Variants in RDH5 observed in about 807,000 individuals in gnomAD.
The protein encoded by RDH5 is retinol dehydrogenase 5.
Under a neutral mutation model 24.0 loss-of-function variants are expected in RDH5, and 25 were observed. That is an observed-to-expected ratio of 1.04 (90% CI 0.76 to 1.46). The LOEUF (loss-of-function observed/expected upper bound fraction) is 1.46, where lower values mean the gene tolerates loss of function less well. RDH5 is among the 40% of genes most tolerant of loss of function. The pLI is 0.00. For missense variants in RDH5, 369 were observed against 410.3 expected (o/e 0.90, Z 0.87); for synonymous variants, 170 against 175.2 (o/e 0.97, Z 0.23).
chr12:55,722,060 T>C, intron 3 of RDH5, 113 bp downstream of exon 3: 2 of 1,132,872 alleles, frequency 1.8e-6, no homozygotes, highest in Non-Finnish European at 2.5e-6. Flanking sequence ...AGAGACAGTT[T>C]AGGGCTAGAC....
chr12:55,722,730 G>C (rs1876987956), intron 3 of RDH5: 1 of 151,626 alleles, frequency 6.6e-6, no homozygotes, highest in Non-Finnish European at 1.5e-5. Context: ...TAGAGATGGA[G>C]TTATACCATG....
chr12:55,722,671 G>C (rs1164813900), intron 3 of RDH5: 1 of 152,068 alleles, frequency 6.6e-6, no homozygotes, highest in African/African-American at 2.4e-5. Context: ...GATTAGCTGG[G>C]CTTACAGGCA....
Position 55,723,977 on chromosome 12 carries a change from A to C in RDH5, c.661A>C (p.Thr221Pro), listed in dbSNP as rs1259253511. The change falls in exon 4 of 5, where the codon ACC (threonine) becomes CCC (proline). Residue 221 changes from threonine to proline, a missense_variant. By Grantham distance (38) the Thr-to-Pro change is conservative. Coordinates refer to ENST00000257895, the MANE Select transcript of RDH5 (RefSeq NM_002905.5). ...PVTNLESLEKTLQACWARLPP... is the reference protein window; with the variant it reads ...PVTNLESLEKPLQACWARLPP... ...GACCAACCTGGAGAGTCTGGAGAAA[A>C]CCCTGCAGGCCTGCTGGGCACGGCT... 1.2e-6 allele frequency: 2 copies of C among 1,613,828 alleles called. No individual in the cohort carries two copies. Among genetic ancestry groups the C allele is most frequent in the East Asian group, 2.2e-5 (1 of 44,870 alleles).
chr12:55,723,610 T>A (rs1877030804), intron 3 of RDH5: 1 of 451,878 alleles, frequency 2.2e-6, no homozygotes, highest in African/African-American at 2.0e-5. Flanking sequence ...GATAATATCA[T>A]TAATTTTGTT....
At position 55,724,027 on chromosome 12, in the gene RDH5, TG is replaced by T. The variant is rs753378940; in HGVS notation, c.718del (p.Ala240ProfsTer7). On this transcript the variant is annotated frameshift_variant, in exon 4 of 5. Coordinates refer to ENST00000257895, the MANE Select transcript of RDH5 (RefSeq NM_002905.5). LOFTEE classifies it high-confidence loss of function. ...RLPPATQAHY[G>X]GAFLTKYLKM... ...TGCCTCCTGCCACACAGGCCCACTA[TG>T]GGGGGGCCTTCCTCACCAAGTGTGA... The T allele has an allele frequency of 9.9e-6, 16 of 1,611,650 alleles. No homozygotes were observed. The highest frequency in any genetic ancestry group is 1.0e-5 in the Non-Finnish European group (12 of 1,179,822).
At chr12:55,723,842 C>CT (rs1243034960) in intron 3 of RDH5, 44 bp from the exon 4 acceptor site, 3 of 1,607,962 alleles carry the variant, frequency 1.9e-6, no homozygotes, top group Admixed American at 1.7e-5. Context: ...AGTCCCCTCC[C>CT]TATAGGGCAA....
Position 55,721,232 on chromosome 12 carries a change from G to T in RDH5, c.48G>T (p.Trp16Cys). The T allele has an allele frequency of 2.5e-6, 4 of 1,614,058 alleles. No homozygotes were observed. The highest frequency in any genetic ancestry group is 3.4e-6 in the Non-Finnish European group (4 of 1,180,042). ...GTGCCTTACTCTGGGCAGTGCTGTG[G>T]TTGCTCAGGGACCGGCAGAGCCTGC... ...LLGALLWAVL[W>C]LLRDRQSLPA... Residue 16 changes from tryptophan to cysteine, a missense_variant, in exon 2 of 5, where the codon TGG (tryptophan) becomes TGT (cysteine). By Grantham distance (215) the Trp-to-Cys change is radical. Coordinates refer to ENST00000257895, the MANE Select transcript of RDH5 (RefSeq NM_002905.5). This position sits in a 1 kb window ranked among gnomAD's most constrained non-coding sequence, Gnocchi z 4.7.
rs141993855 is a variant in RDH5 at position 55,721,759 on chromosome 12, C to T, written c.381C>T (p.Asp127=). 44 of 1,613,876 alleles carry T rather than the reference C, an allele frequency of 2.7e-5. No individual in the cohort carries two copies. The highest frequency in any genetic ancestry group is 1.8e-4 in the East Asian group (8 of 44,868). The change falls in exon 3 of 5, where the codon GAC becomes GAT. Residue 127 remains aspartate, a synonymous_variant. Coordinates refer to ENST00000257895, the MANE Select transcript of RDH5 (RefSeq NM_002905.5). The surrounding 1 kb of genome is among the most constrained non-coding windows in gnomAD (Gnocchi z 4.7). The part of the protein sequence containing the change: ...IIGPTPWLTR[D]DFQRVLNVNT... Reference sequence around the variant, plus strand: ...GACCCACACCATGGCTGACCCGGGACGATTTCCAGCGGGTGCTGAATGTGA... The same window carrying T: ...GACCCACACCATGGCTGACCCGGGATGATTTCCAGCGGGTGCTGAATGTGA...
chr12:55,722,185 C>T (rs933883934), intron 3 of RDH5: 1 of 501,026 alleles, frequency 2.0e-6, no homozygotes, highest in Non-Finnish European at 3.5e-6. Flanking sequence ...GAGTCTTGCT[C>T]TGTCGCCAGG....
rs34619378 is a variant in RDH5, at chr12:55,721,365, AC to A, written c.186del (p.Ser63ProfsTer47). ...RGFRVLASCL[T>X]PSGAEDLQRV... ...CTTCCGAGTCCTGGCCAGCTGCCTG[AC>A]CCCCTCCGGGGCCGAGGACCTGCAG... On this transcript the variant is annotated frameshift_variant, in exon 2 of 5. Coordinates refer to ENST00000257895, the MANE Select transcript of RDH5 (RefSeq NM_002905.5). LOFTEE classifies it high-confidence loss of function. This position sits in a 1 kb window ranked among gnomAD's most constrained non-coding sequence, Gnocchi z 4.7. 3.1e-6 allele frequency: 5 copies of A among 1,613,620 alleles called. No homozygotes were observed. Among genetic ancestry groups the A allele is most frequent in the Non-Finnish European group, 4.2e-6 (5 of 1,179,986 alleles).
intron 3 of RDH5, chr12:55,722,237 C>T: frequency 3.0e-6 from 1 of 330,830 alleles, no homozygotes; most frequent in Non-Finnish European, 5.6e-6. Flanking sequence ...ACAATTTCCA[C>T]CCCCGGGGTT....
chr12:55,722,069 A>G, intron 3 of RDH5, 122 bp downstream of exon 3: 1 of 981,622 alleles, frequency 1.0e-6, no homozygotes, highest in Admixed American at 2.8e-5. Flanking sequence ...TTAGGGCTAG[A>G]CTTCATGGGT....
chr12:55,721,041 AACCAGATAATTTCTCAATATGCTCAC>A lies in RDH5; in HGVS notation c.-32-104_-32-79del. The A allele has an allele frequency of 2.7e-6, 2 of 747,594 alleles. No homozygotes were observed. Among genetic ancestry groups the A allele is most frequent in the Non-Finnish European group, 4.7e-6 (2 of 426,056 alleles). 46.3% of individuals were successfully genotyped at this position (747,594 alleles called of 1,614,324 possible). ...AGCCATGGTTGGCCAATTATCTGCC[AACCAGATAATTTCTCAATATGCTCAC>A]ACCAGATGCTTCCAGCTAGGGAGGG... On this transcript the variant is annotated intron_variant, in intron 1 of 4. Coordinates refer to ENST00000257895, the MANE Select transcript of RDH5 (RefSeq NM_002905.5). This position sits in a 1 kb window ranked among gnomAD's most constrained non-coding sequence, Gnocchi z 4.7.
In RDH5 at chr12:55,721,732, C is replaced by T. The variant is rs200207744; in HGVS notation, c.354C>T (p.Ile118=). Residue 118 remains isoleucine, a synonymous_variant, in exon 3 of 5, where the codon ATC becomes ATT. Coordinates refer to ENST00000257895, the MANE Select transcript of RDH5 (RefSeq NM_002905.5). The surrounding 1 kb of genome is among the most constrained non-coding windows in gnomAD (Gnocchi z 4.7). ...ATAATGCTGGTGTGGCTGGTATCATCGGACCCACACCATGGCTGACCCGGG... is the reference window on the plus strand; with the variant it reads ...ATAATGCTGGTGTGGCTGGTATCATTGGACCCACACCATGGCTGACCCGGG... ...LVNNAGVAGI[I]GPTPWLTRDD... is the part of the protein sequence containing the mutation. The T allele has an allele frequency of 8.7e-6, 14 of 1,613,348 alleles. No individual in the cohort carries two copies. The Middle Eastern group carries it at 9.9e-4, about 114-fold the overall frequency.
chr12:55,721,471 T>G lies in RDH5; in HGVS notation c.287T>G (p.Val96Gly). Residue 96 changes from valine (V) to glycine (G), a missense_variant, in exon 2 of 5, where the codon GTG (valine) becomes GGG (glycine). Val to Gly is a moderately radical substitution (Grantham distance 109). Coordinates refer to ENST00000257895, the MANE Select transcript of RDH5 (RefSeq NM_002905.5). This position sits in a 1 kb window ranked among gnomAD's most constrained non-coding sequence, Gnocchi z 4.7. ...PQSVQQAAKW[V>G]EMHVKEAGLF... is the part of the protein sequence containing the mutation. ...AGCGTCCAGCAGGCAGCCAAGTGGG[T>G]GGAGATGCACGTTAAGGAAGCAGGT... 1 of 1,610,304 alleles carries G rather than the reference T, an allele frequency of 6.2e-7. No individual in the cohort carries two copies. The highest frequency in any genetic ancestry group is 8.5e-7 in the Non-Finnish European group (1 of 1,179,970).
Position 55,723,911 on chromosome 12 carries a change from C to T in RDH5, c.595C>T (p.Arg199Ter), listed in dbSNP as rs759835915. The T allele has an allele frequency of 1.9e-6, 3 of 1,614,058 alleles. No individual in the cohort carries two copies. The highest frequency in any genetic ancestry group is 2.2e-5 in the East Asian group (1 of 44,886). ...LRRDVAHFGI[R>*]VSIVEPGFFR... ...GCGGGATGTAGCTCATTTTGGGATA[C>T]GAGTCTCCATCGTGGAGCCTGGCTT... Residue 199 changes from arginine (R) to a stop codon, truncating the protein, a stop_gained, in exon 4 of 5, where the codon CGA (arginine) becomes TGA (stop). Coordinates refer to ENST00000257895, the MANE Select transcript of RDH5 (RefSeq NM_002905.5). LOFTEE classifies it high-confidence loss of function.
chr12:55,723,812 C>T, intron 3 of RDH5, 74 bp from the exon 4 acceptor site: 2 of 1,565,688 alleles, frequency 1.3e-6, no homozygotes, highest in South Asian at 2.2e-5. Flanking sequence ...TTTCTCAGCT[C>T]CCCAACCCAT....
chr12:55,721,729 C>T lies in RDH5; in HGVS notation c.351C>T (p.Ile117=). Residue 117 remains isoleucine, a synonymous_variant, in exon 3 of 5, where the codon ATC becomes ATT. Transcript: ENST00000257895. This position sits in a 1 kb window ranked among gnomAD's most constrained non-coding sequence, Gnocchi z 4.7. ...GLVNNAGVAG[I]IGPTPWLTRD... ...TGAATAATGCTGGTGTGGCTGGTAT[C>T]ATCGGACCCACACCATGGCTGACCC... 1 of 1,613,348 alleles carries T rather than the reference C, an allele frequency of 6.2e-7. No individual in the cohort carries two copies. Among genetic ancestry groups the T allele is most frequent in the South Asian group, 1.1e-5 (1 of 91,092 alleles).
In RDH5 at chr12:55,721,890, A is replaced by G; in HGVS notation, c.512A>G (p.Asn171Ser). ...ITSVLGRLAA[N>S]GGGYCVSKFG... ...AGCGTCCTGGGTCGCCTGGCAGCCAATGGTGGGGGCTACTGTGTCTCCAAA... is the reference window on the plus strand; with the variant it reads ...AGCGTCCTGGGTCGCCTGGCAGCCAGTGGTGGGGGCTACTGTGTCTCCAAA... Residue 171 changes from asparagine (N) to serine (S), a missense_variant, in exon 3 of 5, where the codon AAT becomes AGT. By Grantham distance (46) the Asn-to-Ser change is conservative. Transcript: ENST00000257895. The surrounding 1 kb of genome is among the most constrained non-coding windows in gnomAD (Gnocchi z 4.7). 2 of 1,613,792 alleles carry G rather than the reference A, an allele frequency of 1.2e-6. No individual in the cohort carries two copies. Among genetic ancestry groups the G allele is most frequent in the Non-Finnish European group, 1.7e-6 (2 of 1,179,888 alleles).
Sources: gnomAD v4.1 joint callset for allele counts on GRCh38, gnomAD v4.1.1 for gene constraint, Gnocchi (gnomAD v3.1) non-coding constraint, MANE v1.5 for transcripts, NCBI Gene and HGNC (gene_info 2026-07-23, HGNC 2026-07-21) for gene names.